Variants in WDR41 observed in about 807,000 individuals in gnomAD.
WDR41 encodes WD repeat-containing protein 41.
WDR41 carries 63 observed loss-of-function variants against 69.3 expected under a neutral mutation model. That is an observed-to-expected ratio of 0.91 (90% confidence interval 0.74 to 1.12). The LOEUF is 1.12. WDR41 is among the 50% of genes most tolerant of loss of function. The pLI is 0.00. For synonymous variants in WDR41, 185 were observed against 192.1 expected (o/e 0.96, Z 0.31); for missense variants, 543 against 534.5 (o/e 1.02, Z -0.16).
chr5:77,497,315 G>T (rs563397023), upstream of WDR41, among the ~76,000 whole-genome samples: 1 of 152,158 alleles, frequency 6.6e-6, no homozygotes, highest in South Asian at 2.1e-4. Context: ...AAAACCTACA[G>T]AATGGAAGAA....
intron 1 of WDR41, among the ~76,000 whole-genome samples, chr5:77,583,505 C>T (rs142471717): frequency 5.8e-4 from 87 of 151,116 alleles, no homozygotes; most frequent in African/African-American, 2.0e-3. Flanking sequence ...GAGAGAAACC[C>T]TATCTCAGAA....
At chr5:77,449,277 A>C (rs1367545977) in intron 8 of WDR41, among the ~76,000 whole-genome samples, 1 of 152,152 alleles carries the variant, frequency 6.6e-6, no homozygotes, top group Middle Eastern at 3.2e-3. Context: ...TTTTCTGCAG[A>C]CTTTTACTTT....
chr5:77,537,424 C>T (rs1459465053), intron 1 of WDR41, among the ~76,000 whole-genome samples: 5 of 152,122 alleles, frequency 3.3e-5, no homozygotes, highest in Non-Finnish European at 7.3e-5. Flanking sequence ...GGCCCAGAGC[C>T]TTTATTGGGG....
chr5:77,510,969 T>A (rs868299563), intron 1 of WDR41, among the ~76,000 whole-genome samples: 1 of 151,974 alleles, frequency 6.6e-6, no homozygotes, highest in South Asian at 2.1e-4. Flanking sequence ...TTCACCATGT[T>A]GGTCAGGCTG....
chr5:77,510,276 G>A (rs1442622623), intron 1 of WDR41, among the ~76,000 whole-genome samples: 1 of 152,112 alleles, frequency 6.6e-6, no homozygotes, highest in Non-Finnish European at 1.5e-5. Flanking sequence ...ATCAGATCTC[G>A]TGAGACCCAT....
intron 1 of WDR41, among the ~76,000 whole-genome samples, chr5:77,508,881 A>G (rs1418211467): frequency 6.6e-6 from 1 of 152,204 alleles, no homozygotes; most frequent in Non-Finnish European, 1.5e-5. Context: ...GACTGATCTT[A>G]GCAGGGCTCT....
chr5:77,608,022 C>T (rs1744460056), intron 1 of WDR41, among the ~76,000 whole-genome samples: 1 of 152,084 alleles, frequency 6.6e-6, no homozygotes, highest in Admixed American at 6.5e-5. Context: ...GGCAGCCATC[C>T]ACAACCTCTT....
Position 77,492,222 on chromosome 5 carries a change from C to T in WDR41, c.-2G>A. On this transcript the variant is annotated 5_prime_UTR_variant, in exon 1 of 13. Coordinates refer to ENST00000296679, the MANE Select transcript of WDR41 (RefSeq NM_018268.4). ...TCCCCCGATCAGCCATCGCAACATC[C>T]GGGCAGCGGCGGCGTCTTGCCCGGT... 1 of 1,612,612 alleles carries T rather than the reference C, an allele frequency of 6.2e-7. No homozygotes were observed. Among genetic ancestry groups the T allele is most frequent in the Non-Finnish European group, 8.5e-7 (1 of 1,179,608 alleles).
At chr5:77,512,238 G>T (rs1297914592) in intron 1 of WDR41, among the ~76,000 whole-genome samples, 2 of 152,146 alleles carry the variant, frequency 1.3e-5, no homozygotes, top group East Asian at 3.9e-4. Context: ...GGCATAGGGA[G>T]CAGCCTGGAC....
intron 5 of WDR41, among the ~76,000 whole-genome samples, chr5:77,455,597 C>CTT (rs1035742061): frequency 3.3e-5 from 5 of 152,130 alleles, no homozygotes; most frequent in Non-Finnish European, 5.9e-5. Context: ...ACATTTGGGT[C>CTT]TTTGACCCAT....
intron 7 of WDR41, among the ~76,000 whole-genome samples, chr5:77,450,923 T>G (rs1799602136): frequency 6.6e-6 from 1 of 152,198 alleles, no homozygotes; most frequent in Non-Finnish European, 1.5e-5. Context: ...CTACTCATAT[T>G]CAAACTGTGG....
intron 1 of WDR41, among the ~76,000 whole-genome samples, chr5:77,594,463 ATAAT>A (rs1230071989): frequency 5.3e-5 from 8 of 152,072 alleles, no homozygotes; most frequent in African/African-American, 1.9e-4. Context: ...AAGAAAATAA[ATAAT>A]TAAATACATC....
chr5:77,504,066 C>CA (rs199946906), intron 1 of WDR41, among the ~76,000 whole-genome samples: 22,983 of 151,230 alleles, frequency 0.15, 2,580 homozygotes, highest in African/African-American at 0.29. Flanking sequence ...AAAAACCCTT[C>CA]AAAAAATCAG....
intron 1 of WDR41, among the ~76,000 whole-genome samples, chr5:77,590,373 C>T (rs1452318611): frequency 6.6e-6 from 1 of 152,158 alleles, no homozygotes; most frequent in Admixed American, 6.6e-5. Flanking sequence ...AGAGGAAACA[C>T]ATCGGAGTTA....
At chr5:77,469,052 T>C (rs1198427547) in intron 2 of WDR41, among the ~76,000 whole-genome samples, 1 of 152,222 alleles carries the variant, frequency 6.6e-6, no homozygotes, top group South Asian at 2.1e-4. Context: ...CATGGAATAC[T>C]ATGCAGCCAT....
chr5:77,615,770 A>C, intron 1 of WDR41, among the ~76,000 whole-genome samples: 1 of 150,546 alleles, frequency 6.6e-6, no homozygotes, highest in East Asian at 2.0e-4. Context: ...AAGCAGGTGG[A>C]TCACTTGAGG....
chr5:77,436,426 G>A (rs1223738402), intron 11 of WDR41, 32 bp from the exon 12 acceptor site: 1 of 1,609,630 alleles, frequency 6.2e-7, no homozygotes, highest in East Asian at 2.2e-5. Context: ...AAATTACTGT[G>A]CTCTGTACTT....
intron 1 of WDR41, among the ~76,000 whole-genome samples, chr5:77,502,230 G>A (rs1282500867): frequency 6.6e-6 from 1 of 152,102 alleles, no homozygotes; most frequent in Non-Finnish European, 1.5e-5. Context: ...ACATACACAA[G>A]CTTCAATAGC....
chr5:77,458,082 T>TGTA lies in WDR41; in HGVS notation c.411+979_411+980insTAC, dbSNP rs1799904369. On this transcript the variant is annotated intron_variant, in intron 5 of 12. Coordinates refer to ENST00000296679, the MANE Select transcript of WDR41 (RefSeq NM_018268.4). ...ACCTTAGTTTTTCAGGTAGCAAGAATATTTTTAAAGGAATGTAAAAGGCAC... is the reference window on the plus strand; with the variant it reads ...ACCTTAGTTTTTCAGGTAGCAAGAATGTAATTTTTAAAGGAATGTAAAAGGCAC... 4.6e-5 allele frequency among the ~76,000 whole-genome samples: 7 copies of TGTA among 152,288 alleles called. No homozygotes were observed. In the South Asian group the frequency reaches 1.4e-3, roughly 32 times the overall value.
Sources: allele counts gnomAD v4.1 joint callset (sites outside exome capture counted in the v4.1 genomes callset), GRCh38; gene constraint gnomAD v4.1.1; transcripts MANE v1.5; gene names NCBI Gene and HGNC (gene_info 2026-07-23, HGNC 2026-07-21).